COL2A1: variants seen among roughly 807,000 people sequenced by gnomAD.
The protein encoded by COL2A1 is collagen alpha-1(II) chain.
Under a neutral mutation model 204.5 loss-of-function variants are expected in COL2A1, and 28 were observed. The observed-to-expected ratio is 0.14, with a 90% CI of 0.10 to 0.19. The LOEUF is 0.19. COL2A1 is among the 10% of genes least tolerant of loss of function. The pLI is 1.00. For missense variants in COL2A1, 1,388 were observed against 2,027.5 expected (o/e 0.68, Z 6.06); for synonymous variants, 708 against 718.7 (o/e 0.99, Z 0.24).
intron 52 of COL2A1, 118 bp from the exon 53 acceptor site, chr12:47,974,449 G>A: frequency 7.1e-7 from 1 of 1,405,298 alleles, no homozygotes; most frequent in East Asian, 2.3e-5. Flanking sequence ...GGGGCAGCAG[G>A]GAGCTAGTTG....
chr12:47,980,913 A>G lies in COL2A1; in HGVS notation c.2517+2T>C. 1 of 1,552,580 alleles carries G rather than the reference A, an allele frequency of 6.4e-7. No homozygotes were observed. Among genetic ancestry groups the G allele is most frequent in the Non-Finnish European group, 8.7e-7 (1 of 1,147,608 alleles). ...CCCAGGAGGATGGACAGAGATACTC[A>G]CAGGAGGCCCAGCAAATCCCGCTGG... On this transcript the variant is annotated splice_donor_variant, in intron 38 of 53. Transcript: ENST00000380518. LOFTEE classifies it high-confidence loss of function. The surrounding 1 kb of genome is among the most constrained non-coding windows in gnomAD (Gnocchi z 4.5).
chr12:47,979,209 G>T (rs998000514), intron 41 of COL2A1, among the ~76,000 whole-genome samples: 1 of 152,088 alleles, frequency 6.6e-6, no homozygotes, highest in Non-Finnish European at 1.5e-5. Flanking sequence ...TTGCTTTAAA[G>T]CACACAGACA....
chr12:47,990,200 G>T (rs557331906), intron 16 of COL2A1, among the ~76,000 whole-genome samples: 1 of 152,222 alleles, frequency 6.6e-6, no homozygotes, highest in East Asian at 1.9e-4. Flanking sequence ...AGTAGAGACT[G>T]GGTTTTGCTA....
rs1939416954 is a variant in COL2A1, at chr12:47,986,450, A to G, written c.1420-7T>C. On this transcript the variant is annotated splice_region_variant and splice_polypyrimidine_tract_variant and intron_variant, in intron 22 of 53. Coordinates refer to ENST00000380518, the MANE Select transcript of COL2A1 (RefSeq NM_001844.5). ...CCTGGGGGCCAGCAGGGCCCTGAGG[A>G]CCAGCAAAAAAGAGAAACAGAGTGA... is the stretch of plus-strand genomic sequence containing the variant. The G allele has an allele frequency of 6.5e-7, 1 of 1,537,722 alleles. No individual in the cohort carries two copies. Among genetic ancestry groups the G allele is most frequent in the East Asian group, 2.4e-5 (1 of 41,128 alleles).
At chr12:47,985,423 C>T in intron 26 of COL2A1, 111 bp downstream of exon 26, 1 of 1,164,930 alleles carries the variant, frequency 8.6e-7, no homozygotes, top group Non-Finnish European at 1.3e-6. Context: ...TCACAATTCT[C>T]AAAATTCACA....
intron 17 of COL2A1, 61 bp from the exon 18 acceptor site, chr12:47,989,342 C>A (rs1793930): frequency 7.6e-7 from 1 of 1,319,246 alleles, no homozygotes; most frequent in Non-Finnish European, 1.1e-6. Flanking sequence ...CAAAGCGAGC[C>A]ACCCCGACAC....
chr12:47,973,296 G>A lies in COL2A1; in HGVS notation c.*111C>T. On this transcript the variant is annotated 3_prime_UTR_variant, in exon 54 of 54. Transcript: ENST00000380518. Reference sequence around the variant, plus strand: ...GAACTGTGAGAGGGTGGGATGAATGGACATCAGGTCAGGTCAGCCATTCAG... The same window carrying A: ...GAACTGTGAGAGGGTGGGATGAATGAACATCAGGTCAGGTCAGCCATTCAG... 1 of 1,402,782 alleles carries A rather than the reference G, an allele frequency of 7.1e-7. No individual in the cohort carries two copies. Among genetic ancestry groups the A allele is most frequent in the Non-Finnish European group, 1.0e-6 (1 of 987,176 alleles). The allele number at this position is 1,402,782 out of a possible 1,614,324, so 86.9% of individuals were successfully genotyped here.
chr12:47,989,118 A>T, intron 18 of COL2A1, 110 bp downstream of exon 18: 1 of 910,452 alleles, frequency 1.1e-6, no homozygotes, highest in Non-Finnish European at 1.8e-6. Context: ...GTGGGGAGCT[A>T]CTTCTCAGAA....
At chr12:47,991,661 C>T (rs1469495157) in intron 16 of COL2A1, among the ~76,000 whole-genome samples, 1 of 152,210 alleles carries the variant, frequency 6.6e-6, no homozygotes, top group African/African-American at 2.4e-5. Flanking sequence ...CAGGAACCAA[C>T]AGAGAGAACC....
rs1045732061 is a variant in COL2A1, at chr12:47,976,117, G to A, written c.3490-47C>T. The A allele has an allele frequency of 4.2e-6, 6 of 1,418,622 alleles. No homozygotes were observed. The African/African-American group carries it at 8.4e-5, about 20-fold the overall frequency. 87.9% of individuals were successfully genotyped at this position (1,418,622 alleles called of 1,614,324 possible). A position where few individuals can be genotyped will look rare whatever the true frequency, so the allele number is the denominator to read the frequency against. On this transcript the variant is annotated intron_variant, in intron 49 of 53. Transcript: ENST00000380518. This position sits in a 1 kb window ranked among gnomAD's most constrained non-coding sequence, Gnocchi z 4.3. The stretch of plus-strand genomic sequence containing the variant: ...AGGAAAGAGTGGTCACCACAGGGAA[G>A]GCTGGGGAGTCGCTGGGGCTGGGTA...
At position 47,977,646 on chromosome 12, in the gene COL2A1, G is replaced by A. The variant is rs978657987; in HGVS notation, c.3119C>T (p.Pro1040Leu). The A allele has an allele frequency of 3.3e-5, 53 of 1,613,886 alleles. No individual in the cohort carries two copies. Among genetic ancestry groups the A allele is most frequent in the Non-Finnish European group, 4.5e-5 (53 of 1,179,976 alleles). The change falls in exon 45 of 54, where the codon CCC becomes CTC. Residue 1040 changes from proline (P) to leucine (L), a missense_variant. Pro to Leu is a moderately conservative substitution (Grantham distance 98). This residue lies in a region of COL2A1 where 884 missense variants were observed against 1,415.8 expected (regional missense o/e 0.62). Coordinates refer to ENST00000380518, the MANE Select transcript of COL2A1 (RefSeq NM_001844.5). ...TCTGCCAGGGGGGCCATCAGCACCG[G>A]GGCTTCCCTGGACAAAGTGAAACAA... ...PAGEPGREGS[P>L]GADGPPGRDG... is the part of the protein sequence containing the mutation.
chr12:47,983,291 A>G (rs1366575340), intron 31 of COL2A1, 94 bp downstream of exon 31: 2 of 1,501,484 alleles, frequency 1.3e-6, no homozygotes, highest in African/African-American at 1.4e-5. Flanking sequence ...CAGGCCTCAC[A>G]GGGCTCCTCA....
intron 1 of COL2A1, among the ~76,000 whole-genome samples, chr12:48,003,720 G>A (rs1028397611): frequency 1.3e-5 from 2 of 152,102 alleles, no homozygotes; most frequent in Non-Finnish European, 2.9e-5. Flanking sequence ...AGTCCCCTTT[G>A]TCTAACTCTG....
chr12:47,976,288 G>A lies in COL2A1; in HGVS notation c.3490-218C>T, dbSNP rs1426888886. 6.7e-6 allele frequency among the ~76,000 whole-genome samples: 1 copy of A among 150,264 alleles called. No individual in the cohort carries two copies. Among genetic ancestry groups the A allele is most frequent in the Non-Finnish European group, 1.5e-5 (1 of 68,028 alleles). ...CCTCCTAAGCTCCTCTTTGTAAAAT[G>A]CTGTTCTGTCTGACAGCGAGAGGCT... On this transcript the variant is annotated intron_variant, in intron 49 of 53. Transcript: ENST00000380518. This position sits in a 1 kb window ranked among gnomAD's most constrained non-coding sequence, Gnocchi z 4.3.
chr12:47,997,612 A>G lies in COL2A1; in HGVS notation c.525T>C (p.Leu175=). 6.2e-7 allele frequency: 1 copy of G among 1,613,990 alleles called. No homozygotes were observed. The highest frequency in any genetic ancestry group is 8.5e-7 in the Non-Finnish European group (1 of 1,180,004). ...GGGAAGTAAGGATACTTACTCCACC[A>G]AGACCAGGGGGACCAGGGGGGCCGG... ...GPPGPPGPPG[L]GGNFAAQMAG... is the part of the protein sequence containing the mutation. The change falls in exon 7 of 54, where the codon CTT becomes CTC. Residue 175 remains leucine, a synonymous_variant. Transcript: ENST00000380518.
intron 31 of COL2A1, 29 bp downstream of exon 31, chr12:47,983,356 G>T (rs548930846): frequency 1.1e-5 from 17 of 1,611,366 alleles, no homozygotes; most frequent in African/African-American, 2.7e-5. Context: ...ATCTAAACAG[G>T]TTGCAGGTCC....
In COL2A1 at chr12:47,993,507, A is replaced by G. The variant is rs2136608037; in HGVS notation, c.925-5T>C. 2 of 1,610,634 alleles carry G rather than the reference A, an allele frequency of 1.2e-6. No individual in the cohort carries two copies. The highest frequency in any genetic ancestry group is 4.5e-5 in the East Asian group (2 of 44,856). ...ACCCGGGGAACCACTCTCACCCTGG[A>G]AAAATGATGCACAAGGTCAGTGTCT... On this transcript the variant is annotated splice_polypyrimidine_tract_variant and splice_region_variant and intron_variant, in intron 14 of 53. Transcript: ENST00000380518.
In COL2A1 at chr12:47,989,955, T is replaced by C. The variant is rs1939627783; in HGVS notation, c.1024-150A>G. 2.8e-5 allele frequency: 21 copies of C among 743,288 alleles called. No homozygotes were observed. The East Asian group carries it at 5.4e-4, about 19-fold the overall frequency. 46.0% of individuals were successfully genotyped at this position (743,288 alleles called of 1,614,324 possible). On this transcript the variant is annotated intron_variant, in intron 16 of 53. Coordinates refer to ENST00000380518, the MANE Select transcript of COL2A1 (RefSeq NM_001844.5). ...GATGGCGAGGTGTGGGCTGCAGTTTTGGTGTCTGTGCGAGTGGGTGGCCAG... is the reference window on the plus strand; with the variant it reads ...GATGGCGAGGTGTGGGCTGCAGTTTCGGTGTCTGTGCGAGTGGGTGGCCAG...
At chr12:48,003,094 A>T (rs1254417395) in intron 1 of COL2A1, 1 of 152,118 alleles carries the variant, frequency 6.6e-6, no homozygotes, top group Non-Finnish European at 1.5e-5. Flanking sequence ...ACGTGCCCAA[A>T]CACGTGGAAA....
Sources: allele counts gnomAD v4.1 joint callset (sites outside exome capture counted in the v4.1 genomes callset), GRCh38; gene constraint gnomAD v4.1.1; regional missense constraint gnomAD v4.1.1; non-coding constraint Gnocchi (gnomAD v3.1); transcripts MANE v1.5; gene names NCBI Gene and HGNC (gene_info 2026-07-23, HGNC 2026-07-21).